SLTM: variants seen among roughly 807,000 people sequenced by gnomAD.
The protein encoded by SLTM is SAFB like transcription modulator, also known as SAFB-like transcription modulator.
A neutral mutation model predicts 134.6 loss-of-function variants in SLTM; 43 were observed. The ratio of observed to expected loss-of-function variants is 0.32; its 90% CI spans 0.25 to 0.41. The LOEUF (loss-of-function observed/expected upper bound fraction) is 0.41. Ranked by LOEUF, SLTM falls within the 10% of genes least tolerant of loss-of-function variation. The pLI is 1.00. For synonymous variants in SLTM, 424 were observed against 432.3 expected, an observed-to-expected ratio of 0.98 and a Z score of 0.24; for missense variants, 1,055 against 1,288.8, an observed-to-expected ratio of 0.82 and a Z score of 2.78.
chr15:58,918,635 C>A (rs1355571864), intron 2 of SLTM, among the ~76,000 whole-genome samples: 1 of 152,178 alleles, frequency 6.6e-6, no homozygotes. Context: ...TTTCTATTTA[C>A]AATGTTGACG....
intron 1 of SLTM, 124 bp downstream of exon 1, chr15:58,933,280 C>T (rs2038021740): frequency 2.3e-5 from 25 of 1,074,616 alleles, no homozygotes; most frequent in Non-Finnish European, 3.1e-5. Context: ...CCCCTGGCCT[C>T]CCTACCATGC....
intron 16 of SLTM, 58 bp downstream of exon 16, chr15:58,889,372 T>C: frequency 1.9e-6 from 3 of 1,600,546 alleles, no homozygotes; most frequent in South Asian, 1.1e-5. Context: ...TCTCTAGTCT[T>C]AGCCTAAAGG....
At chr15:58,889,257 CTG>C in intron 16 of SLTM, 171 bp downstream of exon 16, 1 of 665,502 alleles carries the variant, frequency 1.5e-6, no homozygotes, top group Admixed American at 3.3e-5. Flanking sequence ...GAAACACAGA[CTG>C]TTCCCACTTG....
intron 2 of SLTM, among the ~76,000 whole-genome samples, chr15:58,920,004 G>A (rs1489989916): frequency 6.6e-6 from 1 of 152,102 alleles, no homozygotes; most frequent in African/African-American, 2.4e-5. Context: ...AATAAGGAGT[G>A]GTGAATTAAT....
At position 58,882,185 on chromosome 15, in the gene SLTM, A is replaced by AAAAAAAAAAAAAC. The variant is rs1404007639; in HGVS notation, c.2996+1440_2996+1441insGTTTTTTTTTTTT. On this transcript the variant is annotated intron_variant, in intron 20 of 20. Transcript: ENST00000380516. ...GGACAGAGCAAGACTCTGTCTCAAA[A>AAAAAAAAAAAAAC]AAAAAAAACCACACTTAGAAATTTA... 2.0e-5 allele frequency among the ~76,000 whole-genome samples: 3 copies of AAAAAAAAAAAAAC among 148,606 alleles called. 1 individual carries two copies. The highest frequency in any genetic ancestry group is 4.9e-5 in the African/African-American group (2 of 40,738).
chr15:58,905,255 TAGAC>T (rs779639522), intron 5 of SLTM, among the ~76,000 whole-genome samples: 26 of 152,368 alleles, frequency 1.7e-4, no homozygotes, highest in Non-Finnish European at 3.1e-4. Context: ...GGTGGAATGG[TAGAC>T]AGAGACAGCA....
chr15:58,887,421 G>A lies in SLTM; in HGVS notation c.2495C>T (p.Pro832Leu), dbSNP rs759679390. 3 of 1,614,050 alleles carry A rather than the reference G, an allele frequency of 1.9e-6. No homozygotes were observed. The highest frequency in any genetic ancestry group is 1.7e-5 in the Admixed American group (1 of 59,988). The change falls in exon 18 of 21, where the codon CCA becomes CTA. Residue 832 changes from proline (P) to leucine (L), a missense_variant. Pro to Leu is a moderately conservative substitution (Grantham distance 98). This residue lies in a region of SLTM where 776 missense variants were observed against 962.2 expected (regional missense o/e 0.81). Coordinates refer to ENST00000380516, the MANE Select transcript of SLTM (RefSeq NM_024755.4). Reference sequence around the variant, plus strand: ...TTCTCTAAGTTCATTTCTTGGTGGTGGAGGCTCATTTCTTCTGGAGTCACT... The same window carrying A: ...TTCTCTAAGTTCATTTCTTGGTGGTAGAGGCTCATTTCTTCTGGAGTCACT... ...NFSDSRRNEPPPPRNELRESD... is the reference protein window; with the variant it reads ...NFSDSRRNEPLPPRNELRESD...
At chr15:58,898,958 A>G in intron 7 of SLTM, 106 bp from the exon 8 acceptor site, 1 of 770,238 alleles carries the variant, frequency 1.3e-6, no homozygotes, top group South Asian at 1.7e-5. Flanking sequence ...TATTCATACA[A>G]ATTAACAATT....
At position 58,879,923 on chromosome 15, in the gene SLTM, C is replaced by A; in HGVS notation, c.*76G>T. ...AGAACTCTCAAGCAAGTCAGAGGTC[C>A]TCTTCATAAGTAGTCAAGTAAAGTT... On this transcript the variant is annotated 3_prime_UTR_variant, in exon 21 of 21. Coordinates refer to ENST00000380516, the MANE Select transcript of SLTM (RefSeq NM_024755.4). 6.6e-7 allele frequency: 1 copy of A among 1,514,902 alleles called. No individual in the cohort carries two copies. The highest frequency in any genetic ancestry group is 8.9e-7 in the Non-Finnish European group (1 of 1,124,410). 93.8% of individuals were successfully genotyped at this position (1,514,902 alleles called of 1,614,324 possible). A position where few individuals can be genotyped will look rare whatever the true frequency, so the allele number is the denominator to read the frequency against.
rs71119415 is a variant in SLTM, at chr15:58,882,181, C to CAAAAAA, written c.2996+1439_2996+1444dup. 1.2e-3 allele frequency among the ~76,000 whole-genome samples: 69 copies of CAAAAAA among 59,526 alleles called. 12 individuals carry two copies. In the South Asian group the frequency reaches 0.017, roughly 15 times the overall value. The allele number at this position is 59,526 out of a possible 152,430, so 39.1% of individuals were successfully genotyped here. A position where few individuals can be genotyped will look rare whatever the true frequency, so the allele number is the denominator to read the frequency against. The stretch of plus-strand genomic sequence containing the variant: ...GCCTGGACAGAGCAAGACTCTGTCT[C>CAAAAAA]AAAAAAAAAAAACCACACTTAGAAA... On this transcript the variant is annotated intron_variant, in intron 20 of 20. Coordinates refer to ENST00000380516, the MANE Select transcript of SLTM (RefSeq NM_024755.4).
chr15:58,922,774 G>A (rs1262809798), intron 2 of SLTM, among the ~76,000 whole-genome samples: 1 of 150,946 alleles, frequency 6.6e-6, no homozygotes, highest in Non-Finnish European at 1.5e-5. Flanking sequence ...GTGCAGTGGT[G>A]TGATCTTGGC....
intron 5 of SLTM, among the ~76,000 whole-genome samples, chr15:58,908,954 T>C (rs1309621702): frequency 1.3e-5 from 2 of 152,224 alleles, no homozygotes; most frequent in African/African-American, 4.8e-5. Context: ...TGAAGGTCTA[T>C]TTTATCTTAA....
intron 2 of SLTM, among the ~76,000 whole-genome samples, chr15:58,931,235 T>C (rs897048955): frequency 6.6e-6 from 1 of 152,184 alleles, no homozygotes; most frequent in African/African-American, 2.4e-5. Flanking sequence ...ACTTTTTTAC[T>C]TCTCTAAACT....
intron 5 of SLTM, among the ~76,000 whole-genome samples, chr15:58,902,220 A>G (rs1482417982): frequency 2.6e-5 from 4 of 152,170 alleles, no homozygotes; most frequent in African/African-American, 9.7e-5. Context: ...TATAATCTCA[A>G]TAACTGAAAA....
chr15:58,922,236 G>C (rs2037101987), intron 2 of SLTM, among the ~76,000 whole-genome samples: 1 of 151,100 alleles, frequency 6.6e-6, no homozygotes, highest in African/African-American at 2.4e-5. Context: ...AAGTAGCCGG[G>C]TGTGGTGACT....
chr15:58,895,775 G>A (rs1433940578), intron 9 of SLTM, among the ~76,000 whole-genome samples: 1 of 151,952 alleles, frequency 6.6e-6, no homozygotes, highest in Non-Finnish European at 1.5e-5. Flanking sequence ...GCCTATCATG[G>A]GACTACAATT....
Position 58,916,945 on chromosome 15 carries a change from G to C in SLTM, c.305C>G (p.Ala102Gly). The C allele has an allele frequency of 2.5e-6, 4 of 1,613,308 alleles. No homozygotes were observed. In the South Asian group the frequency reaches 4.4e-5, roughly 18 times the overall value. ...LSGDASVEDDAFIKDCELENQ... is the reference protein window; with the variant it reads ...LSGDASVEDDGFIKDCELENQ... Reference sequence around the variant, plus strand: ...TAATTAACACTTTACCTTGATAAAAGCATCATCTTCCACAGAAGCATCTCC... The same window carrying C: ...TAATTAACACTTTACCTTGATAAAACCATCATCTTCCACAGAAGCATCTCC... Residue 102 changes from alanine to glycine, a missense_variant, in exon 3 of 21, where the codon GCT (alanine) becomes GGT (glycine). By Grantham distance (60) the Ala-to-Gly change is moderately conservative. Transcript: ENST00000380516.
intron 14 of SLTM, among the ~76,000 whole-genome samples, chr15:58,892,352 A>C (rs1462533308): frequency 6.6e-6 from 1 of 152,218 alleles, no homozygotes; most frequent in African/African-American, 2.4e-5. Flanking sequence ...TTTGGGATAT[A>C]ATCCGAATAC....
intron 5 of SLTM, among the ~76,000 whole-genome samples, chr15:58,905,977 T>C (rs1222324074): frequency 6.6e-6 from 1 of 152,200 alleles, no homozygotes; most frequent in African/African-American, 2.4e-5. Flanking sequence ...CTGATTACAA[T>C]GTGGTTGGAG....
Sources: allele counts gnomAD v4.1 joint callset (sites outside exome capture counted in the v4.1 genomes callset), GRCh38; gene constraint gnomAD v4.1.1; regional missense constraint gnomAD v4.1.1; transcripts MANE v1.5; gene names NCBI Gene and HGNC (gene_info 2026-07-23, HGNC 2026-07-21).